The following STAB2 variants were observed in gnomAD, a reference collection of about 807,000 sequenced individuals.
STAB2 encodes the protein stabilin 2, also known as stabilin-2.
STAB2 carries 288 observed loss-of-function variants against 338.1 expected under a neutral mutation model. The ratio of observed to expected loss-of-function variants is 0.85; its 90% confidence interval spans 0.77 to 0.94. The LOEUF is 0.94. Among genes scored for constraint, STAB2 ranks in the 40% least tolerant of loss-of-function variants. STAB2 has a pLI of 0.00. For synonymous variants in STAB2, 1,202 were observed against 1,193.3 expected, an observed-to-expected ratio of 1.01 and a Z score of -0.15; for missense variants, 3,141 against 3,210.1, an observed-to-expected ratio of 0.98 and a Z score of 0.52.
At chr12:103,646,271 G>T (rs895799399) in intron 9 of STAB2, among the ~76,000 whole-genome samples, 2 of 152,196 alleles carry the variant, frequency 1.3e-5, no homozygotes, top group Admixed American at 6.5e-5. Context: ...GGTAAAATCA[G>T]TTACTTCCTT....
intron 21 of STAB2, 133 bp downstream of exon 21, chr12:103,669,760 C>G (rs1460138801): frequency 7.0e-6 from 5 of 709,462 alleles, no homozygotes; most frequent in Non-Finnish European, 1.2e-5. Flanking sequence ...AAAAGAACAG[C>G]AGGTGTCTGC....
In STAB2 at chr12:103,679,391, G is replaced by A. The variant is rs185657370; in HGVS notation, c.2805+1780G>A. ...ATCAAAAAAGAAAAAAAAAAGGGGGGTCAACATGATTAGGAGCAAGGGTTA... is the reference window on the plus strand; with the variant it reads ...ATCAAAAAAGAAAAAAAAAAGGGGGATCAACATGATTAGGAGCAAGGGTTA... On this transcript the variant is annotated intron_variant, in intron 25 of 68. Transcript: ENST00000388887. Among the ~76,000 whole-genome samples the A allele has an allele frequency of 3.9e-3, 587 of 151,908 alleles. 4 individuals are homozygous for A. Among genetic ancestry groups the A allele is most frequent in the Middle Eastern group, 6.8e-3 (2 of 294 alleles).
rs1432812814 is a variant in STAB2, at chr12:103,637,198, G to A, written c.671G>A (p.Cys224Tyr). ...GATGAAAACAAACTGGAATGCAAAT[G>A]CCTTCCCAATTACCGAGGCGATGGC... is the stretch of plus-strand genomic sequence containing the variant. ...TEDENKLECK[C>Y]LPNYRGDGKY... The change falls in exon 7 of 69, where the codon TGC (cysteine) becomes TAC (tyrosine). Residue 224 changes from cysteine to tyrosine, a missense_variant. Physicochemically the swap from Cys to Tyr is radical, Grantham distance 194. Coordinates refer to ENST00000388887, the MANE Select transcript of STAB2 (RefSeq NM_017564.10). 2 of 1,612,378 alleles carry A rather than the reference G, an allele frequency of 1.2e-6. No homozygotes were observed. Among genetic ancestry groups the A allele is most frequent in the East Asian group, 2.2e-5 (1 of 44,832 alleles).
intron 48 of STAB2, 106 bp from the exon 49 acceptor site, chr12:103,730,010 T>G: frequency 9.2e-7 from 1 of 1,089,036 alleles, no homozygotes; most frequent in Non-Finnish European, 1.3e-6. Context: ...GGATATTCAG[T>G]TTTTGCTCCT....
At chr12:103,641,537 G>A (rs576231487) in intron 9 of STAB2, among the ~76,000 whole-genome samples, 3 of 152,060 alleles carry the variant, frequency 2.0e-5, no homozygotes, top group Non-Finnish European at 4.4e-5. Context: ...AGGCACAGAG[G>A]CACCCAACAC....
intron 5 of STAB2, among the ~76,000 whole-genome samples, chr12:103,624,117 A>C (rs541870843): frequency 3.3e-5 from 5 of 152,330 alleles, no homozygotes; most frequent in East Asian, 3.9e-4. Flanking sequence ...CACACAACAC[A>C]TCCCACCCCC....
intron 37 of STAB2, 136 bp downstream of exon 37, chr12:103,705,863 C>A: frequency 1.3e-6 from 1 of 794,114 alleles, no homozygotes; most frequent in Non-Finnish European, 2.1e-6. Context: ...TTATCATTGT[C>A]ATCCAATGTA....
chr12:103,634,657 T>C (rs1375587511), intron 6 of STAB2, among the ~76,000 whole-genome samples: 1 of 152,254 alleles, frequency 6.6e-6, no homozygotes, highest in Non-Finnish European at 1.5e-5. Context: ...GAAAAAATTA[T>C]TGGGAACCTC....
intron 22 of STAB2, 51 bp from the exon 23 acceptor site, chr12:103,673,856 C>T (rs368256164): frequency 1.4e-4 from 215 of 1,571,980 alleles, no homozygotes; most frequent in Non-Finnish European, 1.8e-4. Flanking sequence ...TGCCTCAGTG[C>T]TTGGCTTGTC....
chr12:103,755,825 C>A, intron 63 of STAB2, 107 bp downstream of exon 63: 1 of 1,055,696 alleles, frequency 9.5e-7, no homozygotes, highest in Non-Finnish European at 1.4e-6. Context: ...CAGTTAAGAG[C>A]ATGGGTGCTG....
chr12:103,739,234 C>T (rs1305221271), intron 53 of STAB2, among the ~76,000 whole-genome samples, 178 bp from the exon 54 acceptor site: 1 of 151,844 alleles, frequency 6.6e-6, no homozygotes, highest in Non-Finnish European at 1.5e-5. Flanking sequence ...GCCTTGGCCT[C>T]CCAAAGTGCT....
chr12:103,712,264 T>TGGGGGCA, intron 40 of STAB2, 103 bp from the exon 41 acceptor site: 1 of 887,856 alleles, frequency 1.1e-6, no homozygotes, highest in East Asian at 2.4e-5. Flanking sequence ...GAGTGTCTCA[T>TGGGGGCA]GGGGGCAGGG....
chr12:103,622,045 GGGTTT>G lies in STAB2; in HGVS notation c.425_429del (p.Phe142TrpfsTer5), dbSNP rs1165211246. The G allele has an allele frequency of 1.2e-6, 2 of 1,614,082 alleles. No homozygotes were observed. Among genetic ancestry groups the G allele is most frequent in the Non-Finnish European group, 1.7e-6 (2 of 1,180,046 alleles). ...AACCACCTGGGGTGTTTTGCAGGAA[GGGTTT>G]GGTGGAACAGCCTGTGAAACCTGTG... On this transcript the variant is annotated frameshift_variant, in exon 5 of 69. Coordinates refer to ENST00000388887, the MANE Select transcript of STAB2 (RefSeq NM_017564.10). LOFTEE classifies it high-confidence loss of function.
intron 67 of STAB2, chr12:103,763,282 G>C: frequency 3.4e-6 from 2 of 580,718 alleles, no homozygotes; most frequent in Non-Finnish European, 6.2e-6. Flanking sequence ...ATTTGGTGGT[G>C]ATCACAAATG....
chr12:103,766,269 A>G lies in STAB2; in HGVS notation c.7606-17A>G, dbSNP rs79111509. 44,279 of 1,613,652 alleles carry G rather than the reference A, an allele frequency of 0.027. 754 individuals carry two copies. The highest frequency in any genetic ancestry group is 0.034 in the Non-Finnish European group (40,083 of 1,179,796). On this transcript the variant is annotated splice_polypyrimidine_tract_variant and intron_variant, in intron 68 of 68. Transcript: ENST00000388887. ...CACACAGAATGCCCTGCCCCCTTAC[A>G]ACCCTCTCTTTTCCAGGACTCTGAA...
At chr12:103,687,014 A>T (rs1271951813) in intron 27 of STAB2, among the ~76,000 whole-genome samples, 2 of 152,142 alleles carry the variant, frequency 1.3e-5, no homozygotes, top group African/African-American at 4.8e-5. Context: ...CTTTTTTAAC[A>T]TGTGCTTATT....
chr12:103,669,741 C>T (rs1292004606), intron 21 of STAB2, 114 bp downstream of exon 21: 4 of 902,398 alleles, frequency 4.4e-6, no homozygotes, highest in South Asian at 3.1e-5. Context: ...AAAGAAATGA[C>T]CCCTTACTAA....
chr12:103,607,956 C>T (rs906365837), intron 3 of STAB2, among the ~76,000 whole-genome samples: 12 of 152,148 alleles, frequency 7.9e-5, no homozygotes, highest in African/African-American at 1.9e-4. Flanking sequence ...CCTGAGGAAT[C>T]GCCACACTGA....
intron 22 of STAB2, among the ~76,000 whole-genome samples, chr12:103,671,286 T>C (rs1019563477): frequency 1.2e-4 from 19 of 152,214 alleles, no homozygotes; most frequent in Middle Eastern, 3.4e-3. Flanking sequence ...ACCCCATCTC[T>C]ACTAAAAATA....
Sources: gnomAD v4.1 joint callset for allele counts (sites outside exome capture counted in the v4.1 genomes callset) on GRCh38, gnomAD v4.1.1 for gene constraint, MANE v1.5 for transcripts, NCBI Gene and HGNC (gene_info 2026-07-23, HGNC 2026-07-21) for gene names.